The following ADAMTSL1 variants were observed in gnomAD, a reference collection of about 807,000 sequenced individuals.
ADAMTSL1 encodes the protein ADAMTS-like protein 1.
ADAMTSL1 carries 126 observed loss-of-function variants against 201.8 expected under a neutral mutation model. The ratio of observed to expected loss-of-function variants is 0.62; its 90% CI spans 0.54 to 0.72. The LOEUF (loss-of-function observed/expected upper bound fraction) is 0.72. ADAMTSL1 is among the 30% of genes least tolerant of loss of function. The pLI, the probability that ADAMTSL1 is intolerant of heterozygous loss-of-function variation, is 0.00. For synonymous variants in ADAMTSL1, 1,121 were observed against 903.4 expected, an observed-to-expected ratio of 1.24 and a Z score of -4.32; for missense variants, 2,679 against 2,277.8, an observed-to-expected ratio of 1.18 and a Z score of -3.59.
intron 23 of ADAMTSL1, among the ~76,000 whole-genome samples, chr9:18,862,511 A>T (rs200394076): frequency 1.6e-3 from 237 of 152,316 alleles, no homozygotes; most frequent in Middle Eastern, 6.8e-3. Context: ...CACCTTGATT[A>T]TAGAGCGCTT....
chr9:18,367,307 C>G (rs964243640), intron 2 of ADAMTSL1, among the ~76,000 whole-genome samples: 2 of 151,754 alleles, frequency 1.3e-5, no homozygotes, highest in African/African-American at 4.8e-5. Flanking sequence ...TATAATGGAC[C>G]ATAAGAATTT....
At chr9:18,778,118 A>G (rs1239673687) in intron 19 of ADAMTSL1, among the ~76,000 whole-genome samples, 2 of 152,234 alleles carry the variant, frequency 1.3e-5, no homozygotes, top group East Asian at 1.9e-4. Context: ...GTCTGTTCTC[A>G]TCTTTATAAG....
chr9:18,572,473 T>C (rs1392606618), intron 3 of ADAMTSL1, among the ~76,000 whole-genome samples: 1 of 152,232 alleles, frequency 6.6e-6, no homozygotes, highest in Non-Finnish European at 1.5e-5. Flanking sequence ...TGGGTGCCTG[T>C]GTATCTGTAC....
rs34029558 is a variant in ADAMTSL1 at position 18,240,341 on chromosome 9, C to CTT, written c.207+76372_207+76373dup. 8.9e-4 allele frequency among the ~76,000 whole-genome samples: 132 copies of CTT among 147,680 alleles called. 1 individual carries two copies. Among genetic ancestry groups the CTT allele is most frequent in the South Asian group, 6.1e-3 (28 of 4,616 alleles). ...TGAACAGTAATGTTTTAAAATGAAT[C>CTT]TTTTTTTTTTTTTCTAAGCAGCAAG... On this transcript the variant is annotated intron_variant, in intron 2 of 29. Coordinates refer to the ADAMTSL1 transcript ENST00000680146.
At chr9:18,096,398 A>G (rs1023141274) in intron 1 of ADAMTSL1, among the ~76,000 whole-genome samples, 1 of 152,212 alleles carries the variant, frequency 6.6e-6, no homozygotes, top group Non-Finnish European at 1.5e-5. Flanking sequence ...ACATTGTCTA[A>G]TGGAACTTTC....
At chr9:18,152,343 C>T (rs1312868080) in intron 1 of ADAMTSL1, among the ~76,000 whole-genome samples, 2 of 151,910 alleles carry the variant, frequency 1.3e-5, no homozygotes, top group African/African-American at 4.8e-5. Context: ...ATTCCAGGCA[C>T]AGGGCACTGC....
At chr9:18,181,949 A>T (rs943253842) in intron 2 of ADAMTSL1, among the ~76,000 whole-genome samples, 1 of 152,156 alleles carries the variant, frequency 6.6e-6, no homozygotes, top group Non-Finnish European at 1.5e-5. Flanking sequence ...ATGGAATACT[A>T]TGCAGCCATA....
chr9:18,178,283 C>T (rs561624021), intron 2 of ADAMTSL1, among the ~76,000 whole-genome samples: 14 of 152,210 alleles, frequency 9.2e-5, no homozygotes, highest in African/African-American at 2.2e-4. Flanking sequence ...CCTGGAAAAT[C>T]GGGTCACTCC....
At chr9:18,652,928 C>T (rs1337598595) in intron 7 of ADAMTSL1, among the ~76,000 whole-genome samples, 1 of 152,140 alleles carries the variant, frequency 6.6e-6, no homozygotes, top group East Asian at 1.9e-4. Context: ...AAAGGGAAAA[C>T]CATTGTCCTA....
intron 23 of ADAMTSL1, among the ~76,000 whole-genome samples, chr9:18,873,297 G>C (rs1486792304): frequency 6.6e-6 from 1 of 152,136 alleles, no homozygotes; most frequent in Non-Finnish European, 1.5e-5. Flanking sequence ...AAGCTTTTTA[G>C]TTTAATTAGG....
chr9:18,552,946 T>C (rs763207850), intron 3 of ADAMTSL1, among the ~76,000 whole-genome samples: 1 of 151,688 alleles, frequency 6.6e-6, no homozygotes, highest in Non-Finnish European at 1.5e-5. Context: ...TTTAATCTTA[T>C]AATCTTTGCT....
intron 2 of ADAMTSL1, among the ~76,000 whole-genome samples, chr9:18,434,482 C>G (rs2133421661): frequency 6.6e-6 from 1 of 152,156 alleles, no homozygotes; most frequent in African/African-American, 2.4e-5. Flanking sequence ...AGCCAACTTT[C>G]TATTAGAGCA....
intron 3 of ADAMTSL1, among the ~76,000 whole-genome samples, chr9:18,559,294 T>C (rs920711466): frequency 6.6e-6 from 1 of 152,178 alleles, no homozygotes; most frequent in Non-Finnish European, 1.5e-5. Flanking sequence ...TTTTGTCAGG[T>C]TTGTCAAAGA....
intron 2 of ADAMTSL1, among the ~76,000 whole-genome samples, chr9:18,440,044 G>A (rs1819928618): frequency 6.6e-6 from 1 of 152,194 alleles, no homozygotes; most frequent in African/African-American, 2.4e-5. Context: ...TATGCTCACT[G>A]TGGTGCTAGC....
intron 2 of ADAMTSL1, among the ~76,000 whole-genome samples, chr9:18,528,557 A>G (rs970414291): frequency 6.6e-6 from 1 of 152,128 alleles, no homozygotes; most frequent in Non-Finnish European, 1.5e-5. Context: ...TTATGGCTGC[A>G]TAGTATTCCA....
At chr9:18,261,067 G>A (rs72684978) in intron 2 of ADAMTSL1, among the ~76,000 whole-genome samples, 4,449 of 100,816 alleles carry the variant, frequency 0.044, 168 homozygotes, top group Non-Finnish European at 0.069. Flanking sequence ...CCTATTAAAT[G>A]GGGGAAAGTG....
intron 2 of ADAMTSL1, among the ~76,000 whole-genome samples, chr9:18,367,288 T>G (rs1335910894): frequency 6.6e-6 from 1 of 152,194 alleles, no homozygotes; most frequent in African/African-American, 2.4e-5. Flanking sequence ...AAATTTATGC[T>G]TTTTCACTTA....
intron 23 of ADAMTSL1, among the ~76,000 whole-genome samples, chr9:18,849,225 G>C (rs892387960): frequency 2.6e-5 from 4 of 152,142 alleles, no homozygotes; most frequent in Non-Finnish European, 5.9e-5. Flanking sequence ...GCCTTGACTT[G>C]GAAGGCCTCT....
intron 17 of ADAMTSL1, among the ~76,000 whole-genome samples, chr9:18,773,738 C>G (rs1373963422): frequency 6.6e-6 from 1 of 152,192 alleles, no homozygotes; most frequent in East Asian, 1.9e-4. Flanking sequence ...CTAGACTTGA[C>G]CAAAGTCATA....
Sources: allele counts gnomAD v4.1 joint callset (sites outside exome capture counted in the v4.1 genomes callset), GRCh38; gene constraint gnomAD v4.1.1; transcripts MANE v1.5; gene names NCBI Gene and HGNC (gene_info 2026-07-23, HGNC 2026-07-21).